The following CACNG6 variants were observed in gnomAD, a reference collection of about 807,000 sequenced individuals.
CACNG6 encodes voltage-dependent calcium channel gamma-6 subunit.
In CACNG6, 21 loss-of-function variants were observed where a neutral mutation model predicts 23.9. That is an observed-to-expected ratio of 0.88 (90% CI 0.62 to 1.26). The LOEUF (loss-of-function observed/expected upper bound fraction) is 1.26. Ranked by LOEUF, CACNG6 falls within the 50% of genes most tolerant of loss-of-function variation. The probability of loss-of-function intolerance (pLI) is 0.00; values close to 1 mark genes in which losing one functional copy is unlikely to be tolerated. For synonymous variants in CACNG6, 182 were observed against 168.9 expected (o/e 1.08, Z -0.60); for missense variants, 340 against 352.9 (o/e 0.96, Z 0.29).
Position 54,012,445 on chromosome 19 carries a change from T to G in CACNG6, c.*256T>G. 2 of 103,666 alleles carry G rather than the reference T, an allele frequency of 1.9e-5. No homozygotes were observed. Among genetic ancestry groups the G allele is most frequent in the Non-Finnish European group, 3.7e-5 (2 of 54,074 alleles). The allele number at this position is 103,666 out of a possible 1,614,324, so 6.4% of individuals were successfully genotyped here. A position where few individuals can be genotyped will look rare whatever the true frequency, so the allele number is the denominator to read the frequency against. On this transcript the variant is annotated 3_prime_UTR_variant, in exon 4 of 4. Transcript: ENST00000252729. ...GCAAACGAGGGTCCCCAGAGAAGAC[T>G]GGCGGGGACCTGATGGGGTAGCTGG... is the stretch of plus-strand genomic sequence containing the variant.
intron 1 of CACNG6, among the ~76,000 whole-genome samples, chr19:53,997,782 G>A (rs1030438814): frequency 6.6e-6 from 1 of 152,048 alleles, no homozygotes; most frequent in Admixed American, 6.6e-5. Context: ...TTGCTAATCC[G>A]CAGGAGCTCT....
chr19:54,004,146 C>T (rs1418955657), intron 3 of CACNG6, among the ~76,000 whole-genome samples: 5 of 151,912 alleles, frequency 3.3e-5, no homozygotes, highest in African/African-American at 4.8e-5. Flanking sequence ...CATGAGCCAC[C>T]GCACCCGGCC....
At chr19:53,994,400 C>G (rs980045585) in intron 1 of CACNG6, among the ~76,000 whole-genome samples, 4 of 152,262 alleles carry the variant, frequency 2.6e-5, no homozygotes, top group Non-Finnish European at 5.9e-5. Flanking sequence ...CAAATCATGG[C>G]TGTTTTATCC....
At chr19:54,011,488 T>C (rs991421867) in intron 3 of CACNG6, among the ~76,000 whole-genome samples, 1 of 145,946 alleles carries the variant, frequency 6.9e-6, no homozygotes, top group African/African-American at 2.5e-5. Context: ...TAAGGAACCA[T>C]ATTCACCCTA....
At chr19:54,006,120 A>AAATAAATAAATAAAT (rs371151424) in intron 3 of CACNG6, among the ~76,000 whole-genome samples, 90 of 150,668 alleles carry the variant, frequency 6.0e-4, no homozygotes, top group Admixed American at 1.5e-3. Flanking sequence ...ATAAATAAAT[A>AAATAAATAAATAAAT]AAATAAGAAA....
At chr19:54,006,517 CTTTTCTTTT>C (rs1244736644) in intron 3 of CACNG6, among the ~76,000 whole-genome samples, 6 of 107,320 alleles carry the variant, frequency 5.6e-5, no homozygotes, top group African/African-American at 1.1e-4. Flanking sequence ...TTCCTTCTTT[CTTTTCTTTT>C]TTTTTTTTTT....
At chr19:53,993,343 G>A in intron 1 of CACNG6, 135 bp downstream of exon 1, 5 of 857,188 alleles carry the variant, frequency 5.8e-6, no homozygotes, top group African/African-American at 1.8e-5. Flanking sequence ...CGCAGTAAGC[G>A]CCAGTGCCCA....
intron 3 of CACNG6, among the ~76,000 whole-genome samples, chr19:54,002,267 GTTTTTTTGT>G (rs1362823711): frequency 2.9e-4 from 38 of 131,942 alleles, no homozygotes; most frequent in East Asian, 6.5e-4. Context: ...CTAATTTTCG[GTTTTTTTGT>G]TTTTTTTGTT....
intron 2 of CACNG6, among the ~76,000 whole-genome samples, 198 bp downstream of exon 2, chr19:53,998,511 CTT>C (rs35492861): frequency 0.016 from 1,846 of 115,374 alleles, 32 homozygotes; most frequent in African/African-American, 0.057. Context: ...CTAGAGAACT[CTT>C]TTTTTTTTTT....
intron 3 of CACNG6, among the ~76,000 whole-genome samples, chr19:54,000,048 G>A (rs2069560887): frequency 6.6e-6 from 1 of 152,176 alleles, no homozygotes; most frequent in Non-Finnish European, 1.5e-5. Flanking sequence ...TTCAAAGATG[G>A]GAGAACCCCA....
At chr19:53,991,580 GA>G (rs2069459009), upstream of CACNG6, among the ~76,000 whole-genome samples, 1 of 108,736 alleles carries the variant, frequency 9.2e-6, no homozygotes, top group Non-Finnish European at 2.4e-5. Context: ...CCCGAGGGTG[GA>G]GGGTGGAGGG....
Position 53,992,741 on chromosome 19 carries a change from C to G in CACNG6, c.-137C>G. 1 of 485,908 alleles carries G rather than the reference C, an allele frequency of 2.1e-6. No homozygotes were observed. The highest frequency in any genetic ancestry group is 2.0e-5 in the African/African-American group (1 of 50,442). The allele number at this position is 485,908 out of a possible 1,614,324, so 30.1% of individuals were successfully genotyped here. On this transcript the variant is annotated 5_prime_UTR_variant, in exon 1 of 4. Transcript: ENST00000252729. The surrounding 1 kb of genome is among the most constrained non-coding windows in gnomAD (Gnocchi z 4.1). ...CGCATTTGAGATTCCAGACAGGACT[C>G]GGCTCTCCCTCTTTCATACCCAGGG...
At chr19:54,011,227 T>TATATAC (rs1442985544) in intron 3 of CACNG6, among the ~76,000 whole-genome samples, 7 of 95,292 alleles carry the variant, frequency 7.3e-5, no homozygotes, top group South Asian at 3.5e-4. Flanking sequence ...TATATATATA[T>TATATAC]ACACACACAC....
At chr19:54,011,205 A>AAAATAT (rs58054808) in intron 3 of CACNG6, among the ~76,000 whole-genome samples, 6 of 102,504 alleles carry the variant, frequency 5.9e-5, no homozygotes, top group East Asian at 2.8e-4. Context: ...AAAAAAAAAA[A>AAAATAT]ATATATATAT....
intron 1 of CACNG6, 68 bp from the exon 2 acceptor site, chr19:53,998,171 G>T: frequency 7.2e-7 from 1 of 1,386,306 alleles, no homozygotes; most frequent in East Asian, 2.3e-5. Flanking sequence ...GCTGTTAACT[G>T]TCCAGCCCTG....
At chr19:54,005,477 C>T (rs189473416) in intron 3 of CACNG6, among the ~76,000 whole-genome samples, 4 of 150,806 alleles carry the variant, frequency 2.7e-5, no homozygotes, top group Non-Finnish European at 4.4e-5. Flanking sequence ...ATAAACTGGC[C>T]GGGCATGGTG....
chr19:53,996,511 G>T (rs2069522860), intron 1 of CACNG6, among the ~76,000 whole-genome samples: 1 of 151,752 alleles, frequency 6.6e-6, no homozygotes. Flanking sequence ...TCCTGCCTCA[G>T]CCTCCTGAGT....
chr19:54,009,706 C>T (rs937193782), intron 3 of CACNG6, among the ~76,000 whole-genome samples: 3 of 151,794 alleles, frequency 2.0e-5, no homozygotes, highest in African/African-American at 7.3e-5. Context: ...CTGTCTATCT[C>T]CAAGTAATAT....
intron 2 of CACNG6, among the ~76,000 whole-genome samples, 197 bp downstream of exon 2, chr19:53,998,510 T>C (rs904611236): frequency 2.7e-5 from 3 of 109,576 alleles, no homozygotes; most frequent in East Asian, 2.7e-4. Context: ...TCTAGAGAAC[T>C]CTTTTTTTTT....
Sources: allele counts gnomAD v4.1 joint callset (sites outside exome capture counted in the v4.1 genomes callset), GRCh38; gene constraint gnomAD v4.1.1; non-coding constraint Gnocchi (gnomAD v3.1); transcripts MANE v1.5; gene names NCBI Gene and HGNC (gene_info 2026-07-23, HGNC 2026-07-21).